PCDH15: variants seen among roughly 807,000 people sequenced by gnomAD.
The protein encoded by PCDH15 is protocadherin related 15, also known as protocadherin-15.
A neutral mutation model predicts 178.5 loss-of-function variants in PCDH15; 129 were observed. That is an observed-to-expected ratio of 0.72 (90% CI 0.63 to 0.84). PCDH15 has a LOEUF of 0.84. PCDH15 is among the 40% of genes least tolerant of loss of function. PCDH15 has a pLI of 0.00. For missense variants in PCDH15, 2,230 were observed against 2,099.9 expected (o/e 1.06, Z -1.21); for synonymous variants, 800 against 732.0 (o/e 1.09, Z -1.50).
At chr10:55,544,334 C>A (rs1333761134) in intron 2 of PCDH15, among the ~76,000 whole-genome samples, 2 of 151,272 alleles carry the variant, frequency 1.3e-5, no homozygotes, top group Admixed American at 6.6e-5. Flanking sequence ...TTCTGACACA[C>A]AACTGTTAAA....
intron 9 of PCDH15, among the ~76,000 whole-genome samples, chr10:54,221,821 T>C (rs1247783108): frequency 6.6e-6 from 1 of 152,128 alleles, no homozygotes; most frequent in African/African-American, 2.4e-5. Context: ...CAGGCTGGTT[T>C]CGAACTCCTG....
chr10:54,627,110 A>G (rs1315040854), intron 2 of PCDH15, among the ~76,000 whole-genome samples: 1 of 152,196 alleles, frequency 6.6e-6, no homozygotes, highest in Non-Finnish European at 1.5e-5. Context: ...CATTGTATCT[A>G]GGAAGTAAGT....
intron 2 of PCDH15, among the ~76,000 whole-genome samples, chr10:55,439,288 A>G (rs572258302): frequency 6.6e-6 from 1 of 152,194 alleles, no homozygotes; most frequent in Non-Finnish European, 1.5e-5. Flanking sequence ...GACAGCAGTG[A>G]AGTAACAAGA....
intron 2 of PCDH15, among the ~76,000 whole-genome samples, chr10:55,344,747 C>T (rs556116372): frequency 5.3e-5 from 8 of 152,046 alleles, no homozygotes; most frequent in Admixed American, 3.9e-4. Flanking sequence ...AATAGGTCCA[C>T]GCTTGAAAAA....
intron 8 of PCDH15, among the ~76,000 whole-genome samples, chr10:54,247,663 A>G (rs2056086999): frequency 6.6e-6 from 1 of 151,854 alleles, no homozygotes; most frequent in Non-Finnish European, 1.5e-5. Context: ...ACAATAAACA[A>G]TGTCATAAAC....
intron 8 of PCDH15, among the ~76,000 whole-genome samples, chr10:54,261,253 C>T (rs1217543489): frequency 6.6e-6 from 1 of 151,974 alleles, no homozygotes; most frequent in East Asian, 1.9e-4. Context: ...ACAGATTTAA[C>T]ACTACATGAA....
intron 2 of PCDH15, among the ~76,000 whole-genome samples, chr10:55,509,880 G>T (rs1161332553): frequency 6.6e-6 from 1 of 151,884 alleles, no homozygotes; most frequent in Non-Finnish European, 1.5e-5. Context: ...CTCCCAGCTG[G>T]AAGGAACCTT....
chr10:53,940,297 T>C (rs1317092156), intron 24 of PCDH15, among the ~76,000 whole-genome samples: 1 of 152,178 alleles, frequency 6.6e-6, no homozygotes, highest in Non-Finnish European at 1.5e-5. Context: ...CAAATTCCTA[T>C]GATTCTTAAA....
chr10:53,805,868 G>GTATC lies in PCDH15; in HGVS notation c.*707_*710dup, dbSNP rs1182286646. On this transcript the variant is annotated 3_prime_UTR_variant, in exon 38 of 38. Transcript: ENST00000644397. ...CCTCAAGTGATTAAACTAAACTAAAGTATCTACCATATTTGATATGAGATG... is the reference window on the plus strand; with the variant it reads ...CCTCAAGTGATTAAACTAAACTAAAGTATCTATCTACCATATTTGATATGAGATG... 1.3e-5 allele frequency: 2 copies of GTATC among 151,866 alleles called. No homozygotes were observed. The highest frequency in any genetic ancestry group is 1.5e-5 in the Non-Finnish European group (1 of 67,988). 9.4% of individuals were successfully genotyped at this position (151,866 alleles called of 1,614,324 possible).
chr10:54,989,214 A>G (rs995697508), intron 2 of PCDH15, among the ~76,000 whole-genome samples: 2 of 152,216 alleles, frequency 1.3e-5, no homozygotes, highest in Admixed American at 6.5e-5. Flanking sequence ...AGTTTGCTGC[A>G]GGGGTGGGGC....
At chr10:55,175,199 G>A (rs759953157) in intron 1 of PCDH15, among the ~76,000 whole-genome samples, 3 of 152,098 alleles carry the variant, frequency 2.0e-5, no homozygotes, top group Non-Finnish European at 4.4e-5. Flanking sequence ...GCTTATGAAG[G>A]ACTAACACTA....
At chr10:53,966,765 C>T (rs12253430) in intron 21 of PCDH15, among the ~76,000 whole-genome samples, 2 of 151,008 alleles carry the variant, frequency 1.3e-5, no homozygotes, top group South Asian at 4.2e-4. Flanking sequence ...TAGATATGAT[C>T]GAAGTATTCT....
At chr10:53,846,400 G>A (rs772500722) in intron 28 of PCDH15, among the ~76,000 whole-genome samples, 2 of 151,740 alleles carry the variant, frequency 1.3e-5, no homozygotes, top group African/African-American at 4.8e-5. Context: ...AAAGAAATAC[G>A]TTAATATAGC....
intron 2 of PCDH15, among the ~76,000 whole-genome samples, chr10:55,376,815 T>C (rs760769812): frequency 9.2e-5 from 14 of 152,066 alleles, no homozygotes; most frequent in Non-Finnish European, 1.6e-4. Context: ...CTATTTCAGA[T>C]ATGTTCTTCA....
chr10:55,257,142 C>T (rs1842022096), intron 1 of PCDH15, among the ~76,000 whole-genome samples: 1 of 152,190 alleles, frequency 6.6e-6, no homozygotes, highest in Non-Finnish European at 1.5e-5. Flanking sequence ...CAGCAAACTC[C>T]AACAGACTTG....
At chr10:54,967,957 T>C (rs1428747890) in intron 2 of PCDH15, among the ~76,000 whole-genome samples, 4 of 152,132 alleles carry the variant, frequency 2.6e-5, no homozygotes, top group African/African-American at 9.7e-5. Context: ...TTAAGTAGGA[T>C]CTACCCTAAT....
At chr10:54,058,037 A>G (rs1173932531) in intron 18 of PCDH15, among the ~76,000 whole-genome samples, 1 of 152,200 alleles carries the variant, frequency 6.6e-6, no homozygotes, top group Non-Finnish European at 1.5e-5. Context: ...GGTCAAAGTC[A>G]TTTAATAATT....
At chr10:53,954,367 C>T (rs1015811463) in intron 23 of PCDH15, among the ~76,000 whole-genome samples, 1 of 152,110 alleles carries the variant, frequency 6.6e-6, no homozygotes, top group Admixed American at 6.6e-5. Flanking sequence ...AGCAACTAAT[C>T]AATTACCAAT....
intron 2 of PCDH15, among the ~76,000 whole-genome samples, chr10:55,340,630 A>G (rs999386919): frequency 6.6e-6 from 1 of 152,118 alleles, no homozygotes; most frequent in African/African-American, 2.4e-5. Context: ...TTTCCAAGAA[A>G]TAATATTATT....
Sources: allele counts gnomAD v4.1 joint callset (sites outside exome capture counted in the v4.1 genomes callset), GRCh38; gene constraint gnomAD v4.1.1; transcripts MANE v1.5; gene names NCBI Gene and HGNC (gene_info 2026-07-23, HGNC 2026-07-21).